The following PVT1 variants were observed in gnomAD, a reference collection of about 807,000 sequenced individuals.
PVT1 encodes Pvt1 oncogene.
At position 127,907,577 on chromosome 8, in the gene PVT1, G is replaced by A. The variant is rs187795795; in HGVS notation, n.782+16579G>A. ...CTGGGGTGCATGCTGGACAGGGAGC[G>A]GGCGGACAGGGCTGGTAGGGAGGAA... On this transcript the variant is annotated intron_variant and non_coding_transcript_variant, in intron 3 of 10. Transcript: ENST00000651587. Among the ~76,000 whole-genome samples the A allele has an allele frequency of 1.7e-3, 252 of 152,256 alleles. 1 individual carries two copies. The highest frequency in any genetic ancestry group is 5.8e-3 in the African/African-American group (240 of 41,536).
rs1050809485 is a variant in PVT1, at chr8:128,078,614, T to C, written n.1114+8253T>C. ...AGCTTTACTGCCAGTTTTTGTCTTTTCTCCCCCTAACTGTAGGAATCGTAG... is the reference window on the plus strand; with the variant it reads ...AGCTTTACTGCCAGTTTTTGTCTTTCCTCCCCCTAACTGTAGGAATCGTAG... On this transcript the variant is annotated intron_variant and non_coding_transcript_variant, in intron 5 of 10. Coordinates refer to ENST00000651587, the Ensembl canonical transcript of PVT1. 3.9e-5 allele frequency among the ~76,000 whole-genome samples: 6 copies of C among 152,178 alleles called. No individual in the cohort carries two copies. The East Asian group carries it at 9.6e-4, about 24-fold the overall frequency.
At chr8:127,820,979 G>T (rs1048961465) in intron 2 of PVT1, among the ~76,000 whole-genome samples, 1 of 152,134 alleles carries the variant, frequency 6.6e-6, no homozygotes, top group African/African-American at 2.4e-5. Flanking sequence ...AAAGTGTTGG[G>T]ATTACAGACA....
chr8:127,906,323 A>G (rs116879169), intron 3 of PVT1, among the ~76,000 whole-genome samples: 2 of 152,330 alleles, frequency 1.3e-5, no homozygotes, highest in East Asian at 1.9e-4. Context: ...TAATTAAACC[A>G]TTCCTGGGGT....
At chr8:127,828,935 A>G (rs73710031) in intron 2 of PVT1, among the ~76,000 whole-genome samples, 4 of 152,286 alleles carry the variant, frequency 2.6e-5, no homozygotes, top group African/African-American at 9.6e-5. Flanking sequence ...ACTTGTTAGC[A>G]TCTGAGACAA....
intron 3 of PVT1, among the ~76,000 whole-genome samples, chr8:127,910,883 G>C (rs1240715955): frequency 7.1e-6 from 1 of 140,906 alleles, no homozygotes; most frequent in African/African-American, 3.0e-5. Flanking sequence ...TCTGCTGTGT[G>C]TGTGTGTGTT....
At chr8:127,848,503 G>C (rs578092980) in intron 2 of PVT1, among the ~76,000 whole-genome samples, 14 of 152,028 alleles carry the variant, frequency 9.2e-5, no homozygotes, top group Non-Finnish European at 2.1e-4. Context: ...GACCAACATG[G>C]AGAAACCCCA....
chr8:128,016,523 G>A (rs1328608020), intron 4 of PVT1, among the ~76,000 whole-genome samples: 1 of 152,174 alleles, frequency 6.6e-6, no homozygotes, highest in African/African-American at 2.4e-5. Context: ...ATTAAGGATA[G>A]ATCTCCACCA....
At chr8:127,825,269 G>C (rs1360399442) in intron 2 of PVT1, among the ~76,000 whole-genome samples, 1 of 152,172 alleles carries the variant, frequency 6.6e-6, no homozygotes, top group Admixed American at 6.6e-5. Context: ...TCAAGTCAAA[G>C]GTTCTAGACA....
At chr8:128,030,071 T>C (rs1813371085) in intron 4 of PVT1, among the ~76,000 whole-genome samples, 2 of 152,128 alleles carry the variant, frequency 1.3e-5, no homozygotes, top group Non-Finnish European at 2.9e-5. Flanking sequence ...TGTGACTGTG[T>C]CAGTGCACTC....
rs144358338 is a variant in PVT1, at chr8:128,051,067, C to T, written n.913-19093C>T. 2.6e-4 allele frequency among the ~76,000 whole-genome samples: 39 copies of T among 152,254 alleles called. 1 individual carries two copies. The highest frequency in any genetic ancestry group is 3.2e-4 in the Non-Finnish European group (22 of 68,026). The stretch of plus-strand genomic sequence containing the variant: ...TTGAGCACTGGAACCATTTATGGGA[C>T]GATTGAGTATTCAACTCCAAGAGAA... On this transcript the variant is annotated intron_variant and non_coding_transcript_variant, in intron 4 of 10. Coordinates refer to ENST00000651587, the Ensembl canonical transcript of PVT1.
intron 2 of PVT1, among the ~76,000 whole-genome samples, chr8:127,879,938 C>G (rs1815446464): frequency 6.6e-6 from 1 of 152,214 alleles, no homozygotes; most frequent in African/African-American, 2.4e-5. Context: ...GGGCAAGTCA[C>G]TTTACTTCTC....
chr8:127,835,890 C>G (rs1407533835), intron 2 of PVT1, among the ~76,000 whole-genome samples: 1 of 152,148 alleles, frequency 6.6e-6, no homozygotes, highest in African/African-American at 2.4e-5. Context: ...CTAGTGTCTT[C>G]CAGCCTCATC....
intron 3 of PVT1, among the ~76,000 whole-genome samples, chr8:127,922,785 C>G (rs1368244343): frequency 6.6e-6 from 1 of 152,232 alleles, no homozygotes; most frequent in African/African-American, 2.4e-5. Flanking sequence ...TCTTTACTTC[C>G]AGACCAACTG....
chr8:128,023,362 T>G (rs944060182), intron 4 of PVT1, among the ~76,000 whole-genome samples: 2 of 152,154 alleles, frequency 1.3e-5, no homozygotes, highest in South Asian at 2.1e-4. Flanking sequence ...TAGACCTCCA[T>G]GTGAGCCCAG....
Position 127,934,871 on chromosome 8 carries a change from G to A in PVT1, n.782+43873G>A, listed in dbSNP as rs187789573. Among the ~76,000 whole-genome samples, 15 of 152,236 alleles carry A rather than the reference G, an allele frequency of 9.9e-5. No homozygotes were observed. The East Asian group carries it at 2.9e-3, about 29-fold the overall frequency. On this transcript the variant is annotated intron_variant and non_coding_transcript_variant, in intron 3 of 10. Transcript: ENST00000651587. The stretch of plus-strand genomic sequence containing the variant: ...GGCAGCCTCCACTTTTGTTGCTCCT[G>A]GGGCCAGATGGCGTTGGGCTAGAAA...
chr8:127,870,536 G>A (rs538930947), intron 2 of PVT1, among the ~76,000 whole-genome samples: 2 of 152,342 alleles, frequency 1.3e-5, no homozygotes, highest in South Asian at 4.1e-4. Context: ...ATTGAGGGAA[G>A]TGGAGCGGGA....
At chr8:127,999,804 G>A (rs1278781320) in intron 4 of PVT1, among the ~76,000 whole-genome samples, 1 of 152,188 alleles carries the variant, frequency 6.6e-6, no homozygotes, top group East Asian at 1.9e-4. Flanking sequence ...TGCCCACATT[G>A]ACTGACAAAA....
chr8:127,926,750 C>T (rs1476027935), intron 3 of PVT1, among the ~76,000 whole-genome samples: 4 of 152,194 alleles, frequency 2.6e-5, no homozygotes, highest in South Asian at 2.1e-4. Flanking sequence ...TCCGGCAACA[C>T]GTTCCCTTTC....
intron 2 of PVT1, among the ~76,000 whole-genome samples, chr8:127,818,445 C>CT: frequency 1.3e-5 from 2 of 152,326 alleles, no homozygotes; most frequent in Middle Eastern, 3.4e-3. Flanking sequence ...GCAGGCAGGT[C>CT]TCTCTTCCAG....
Sources: gnomAD v4.1 joint callset for allele counts (sites outside exome capture counted in the v4.1 genomes callset) on GRCh38, gnomAD v4.1.1 for gene constraint, MANE v1.5 for transcripts, NCBI Gene and HGNC (gene_info 2026-07-23, HGNC 2026-07-21) for gene names.